BLTP3B: variants seen among roughly 807,000 people sequenced by gnomAD.
BLTP3B encodes bridge-like lipid transfer protein family member 3B.
the BLTP3B span, chr12:100,142,712 C>G: frequency 1.3e-6 from 2 of 1,536,698 alleles, no homozygotes; most frequent in Non-Finnish European, 1.8e-6. Flanking sequence ...TCCTCTCTGT[C>G]CCGGCTAGCC....
chr12:100,102,037 T>C, the BLTP3B span, among the ~76,000 whole-genome samples: 1 of 151,918 alleles, frequency 6.6e-6, no homozygotes, highest in East Asian at 1.9e-4. Context: ...TGACCTCAGG[T>C]GATCCGCCCA....
At chr12:100,044,379 G>A in the BLTP3B span, among the ~76,000 whole-genome samples, 2 of 152,098 alleles carry the variant, frequency 1.3e-5, no homozygotes, top group Non-Finnish European at 2.9e-5. Flanking sequence ...TTATTCTTCA[G>A]TTGACACATT....
the BLTP3B span, among the ~76,000 whole-genome samples, chr12:100,138,561 A>G: frequency 6.6e-6 from 1 of 152,210 alleles, no homozygotes; most frequent in African/African-American, 2.4e-5. Flanking sequence ...TTGACAATTA[A>G]AAATATCTCC....
At chr12:100,106,376 G>A in the BLTP3B span, among the ~76,000 whole-genome samples, 2 of 151,760 alleles carry the variant, frequency 1.3e-5, no homozygotes, top group Non-Finnish European at 2.9e-5. Context: ...CAACCTATGA[G>A]TGGTTACAGA....
chr12:100,108,354 C>T, the BLTP3B span: 2 of 1,587,234 alleles, frequency 1.3e-6, no homozygotes, highest in East Asian at 2.3e-5. Flanking sequence ...AGGCCTTCCA[C>T]AAATATCAAG....
the BLTP3B span, among the ~76,000 whole-genome samples, chr12:100,066,085 G>A: frequency 6.6e-6 from 1 of 151,980 alleles, no homozygotes; most frequent in African/African-American, 2.4e-5. Flanking sequence ...GAAATACTGG[G>A]GACAGGTTCC....
chr12:100,058,058 A>G, the BLTP3B span: 900 of 1,580,574 alleles, frequency 5.7e-4, 4 homozygotes, highest in African/African-American at 0.011. Context: ...TAAGTGTTCT[A>G]ACTGGGGGGG....
At chr12:100,083,738 C>A in the BLTP3B span, among the ~76,000 whole-genome samples, 1 of 149,280 alleles carries the variant, frequency 6.7e-6, no homozygotes. Context: ...TAAATACGTA[C>A]AATTATTATG....
the BLTP3B span, among the ~76,000 whole-genome samples, chr12:100,067,920 C>T: frequency 1.1e-4 from 17 of 152,276 alleles, no homozygotes; most frequent in Non-Finnish European, 2.4e-4. Flanking sequence ...AATGGCCATA[C>T]TGCCAAAAGC....
chr12:100,055,644 T>C, the BLTP3B span, among the ~76,000 whole-genome samples: 8 of 126,410 alleles, frequency 6.3e-5, 1 homozygote, highest in African/African-American at 2.2e-4. Context: ...GTCATTACAC[T>C]CCAGCCTGGG....
At chr12:100,140,737 TA>T in the BLTP3B span, among the ~76,000 whole-genome samples, 1 of 113,370 alleles carries the variant, frequency 8.8e-6, no homozygotes, top group Non-Finnish European at 1.7e-5. Flanking sequence ...AAAATATATA[TA>T]TATATATATA....
the BLTP3B span, among the ~76,000 whole-genome samples, chr12:100,066,756 A>G: frequency 2.0e-5 from 3 of 151,530 alleles, no homozygotes; most frequent in African/African-American, 4.9e-5. Context: ...GTGAGCCGAG[A>G]TCACACCACT....
the BLTP3B span, among the ~76,000 whole-genome samples, chr12:100,052,035 C>A: frequency 1.3e-5 from 2 of 150,250 alleles, no homozygotes; most frequent in African/African-American, 2.5e-5. Context: ...CAGAGTGAGA[C>A]CCCATCTAAA....
the BLTP3B span, among the ~76,000 whole-genome samples, chr12:100,076,961 A>G: frequency 6.6e-6 from 1 of 152,172 alleles, no homozygotes; most frequent in Non-Finnish European, 1.5e-5. Flanking sequence ...GCGTATATAT[A>G]TGTGGGGTTT....
chr12:100,142,459 C>T, the BLTP3B span: 2 of 993,622 alleles, frequency 2.0e-6, no homozygotes, highest in Admixed American at 2.7e-5. Flanking sequence ...ACCTCTGCCC[C>T]GGCCAGAGCG....
the BLTP3B span, chr12:100,037,153 T>C: frequency 1.1e-6 from 1 of 894,058 alleles, no homozygotes; most frequent in Non-Finnish European, 1.3e-6. Flanking sequence ...TTTAAGTACA[T>C]AATTTTAATA....
At chr12:100,088,962 G>GCGCC in the BLTP3B span, 1 of 1,426,006 alleles carries the variant, frequency 7.0e-7, no homozygotes, top group Non-Finnish European at 9.2e-7. Flanking sequence ...ATCTAGATGA[G>GCGCC]AAATCACTAA....
the BLTP3B span, among the ~76,000 whole-genome samples, chr12:100,091,336 C>T: frequency 7.8e-3 from 1,183 of 151,400 alleles, 59 homozygotes; most frequent in Admixed American, 0.068. Flanking sequence ...CTACAGCGCC[C>T]GCCACCACGC....
chr12:100,079,358 T>C, the BLTP3B span, among the ~76,000 whole-genome samples: 2 of 152,208 alleles, frequency 1.3e-5, no homozygotes, highest in African/African-American at 4.8e-5. Context: ...CGGGCTGAGG[T>C]GGTCTCAGAT....
Sources: gnomAD v4.1 joint callset for allele counts (sites outside exome capture counted in the v4.1 genomes callset) on GRCh38, gnomAD v4.1.1 for gene constraint, MANE v1.5 for transcripts, NCBI Gene and HGNC (gene_info 2026-07-23, HGNC 2026-07-21) for gene names.